The following CHD1L variants were observed in gnomAD, a reference collection of about 807,000 sequenced individuals.
CHD1L encodes chromodomain helicase DNA binding protein 1 like.
Under a neutral mutation model 115.9 loss-of-function variants are expected in CHD1L, and 118 were observed. That is an observed-to-expected ratio of 1.02 (90% CI 0.88 to 1.19). The LOEUF (loss-of-function observed/expected upper bound fraction) is 1.19, where lower values mean the gene tolerates loss of function less well. Among genes scored for constraint, CHD1L ranks in the 50% most tolerant of loss-of-function variants. CHD1L has a pLI of 0.00. For synonymous variants in CHD1L, 411 were observed against 387.1 expected (o/e 1.06, Z -0.72); for missense variants, 1,179 against 1,065.3 (o/e 1.11, Z -1.49).
the CHD1L span, among the ~76,000 whole-genome samples, chr1:147,198,872 A>AAG: frequency 2.3e-4 from 33 of 144,668 alleles, no homozygotes; most frequent in African/African-American, 8.1e-4. Flanking sequence ...AAAAAAAAAA[A>AAG]AAAGAAAGAA....
At chr1:147,271,408 A>G (rs781951248) in intron 11 of CHD1L, among the ~76,000 whole-genome samples, 14 of 152,224 alleles carry the variant, frequency 9.2e-5, no homozygotes, top group Non-Finnish European at 1.9e-4. Flanking sequence ...GATAACAAAT[A>G]AGCCAGGGGA....
chr1:147,239,326 TTCTC>T (rs2102175610), upstream of CHD1L, among the ~76,000 whole-genome samples: 1 of 152,286 alleles, frequency 6.6e-6, no homozygotes, highest in African/African-American at 2.4e-5. Flanking sequence ...AAGTGTGGCG[TTCTC>T]TCTAACTCGC....
chr1:147,203,809 T>C, the CHD1L span: 3 of 1,550,448 alleles, frequency 1.9e-6, no homozygotes, highest in Non-Finnish European at 2.7e-6. Context: ...CCCGAAGTAC[T>C]ATGGTAGAAA....
intron 16 of CHD1L, 125 bp downstream of exon 16, chr1:147,284,624 C>T: frequency 1.2e-6 from 1 of 858,014 alleles, no homozygotes; most frequent in Non-Finnish European, 1.7e-6. Flanking sequence ...TATGTGTTTG[C>T]TGAAATGTTA....
intron 18 of CHD1L, 70 bp from the exon 19 acceptor site, chr1:147,287,565 C>A: frequency 9.5e-7 from 1 of 1,057,880 alleles, no homozygotes; most frequent in Non-Finnish European, 1.4e-6. Context: ...CTTTTGTGTG[C>A]CTTTGTTTTT....
the CHD1L span, chr1:147,178,156 C>T: frequency 3.7e-6 from 6 of 1,609,212 alleles, no homozygotes; most frequent in Non-Finnish European, 5.1e-6. Context: ...CGTGGCGCTG[C>T]TTCTCGCCGC....
At chr1:147,242,675 C>T (rs781813812), upstream of CHD1L, 3 of 1,263,964 alleles carry the variant, frequency 2.4e-6, no homozygotes, top group Non-Finnish European at 3.0e-6. Context: ...GCGCGCTTGG[C>T]CGCGCGGGGC....
intron 10 of CHD1L, among the ~76,000 whole-genome samples, chr1:147,269,667 CAAAA>C (rs10649680): frequency 7.7e-4 from 72 of 93,264 alleles, no homozygotes; most frequent in African/African-American, 3.0e-3. Context: ...GGCTCCATCT[CAAAA>C]AAAAAAAAAA....
intron 11 of CHD1L, among the ~76,000 whole-genome samples, chr1:147,271,539 T>G (rs587747806): frequency 2.9e-4 from 44 of 152,328 alleles, no homozygotes; most frequent in African/African-American, 1.0e-3. Context: ...CATGAGTTGA[T>G]CTTGAGCCCA....
the CHD1L span, among the ~76,000 whole-genome samples, chr1:147,232,044 G>C: frequency 6.6e-6 from 1 of 152,148 alleles, no homozygotes; most frequent in Non-Finnish European, 1.5e-5. Context: ...CTGTAAACTA[G>C]AGCTGTTCCT....
intron 1 of CHD1L, among the ~76,000 whole-genome samples, chr1:147,249,120 G>A (rs374128209): frequency 2.6e-5 from 4 of 152,182 alleles, no homozygotes; most frequent in East Asian, 1.9e-4. Context: ...GTTTGTTGAT[G>A]ATAAATTCTC....
intron 8 of CHD1L, among the ~76,000 whole-genome samples, chr1:147,266,438 A>G (rs1448339968): frequency 6.6e-6 from 1 of 150,464 alleles, no homozygotes; most frequent in Admixed American, 6.7e-5. Context: ...TCAGTTCTGC[A>G]CTGAACTGCA....
At chr1:147,268,276 C>G (rs1476500400) in intron 9 of CHD1L, among the ~76,000 whole-genome samples, 1 of 152,000 alleles carries the variant, frequency 6.6e-6, no homozygotes, top group East Asian at 1.9e-4. Context: ...ATTGGTAACC[C>G]TTGGAGCAAG....
intron 2 of CHD1L, 58 bp from the exon 3 acceptor site, chr1:147,254,812 A>G: frequency 6.3e-6 from 8 of 1,263,804 alleles, no homozygotes; most frequent in Non-Finnish European, 8.8e-6. Flanking sequence ...TGGGAACTTC[A>G]TGGTTGTTTC....
At chr1:147,268,206 A>C (rs1486937356) in intron 9 of CHD1L, among the ~76,000 whole-genome samples, 1 of 152,074 alleles carries the variant, frequency 6.6e-6, no homozygotes, top group African/African-American at 2.4e-5. Context: ...GCTGCATCCT[A>C]GGAATTTTGA....
the CHD1L span, among the ~76,000 whole-genome samples, chr1:147,176,661 A>T: frequency 6.6e-6 from 1 of 152,194 alleles, no homozygotes; most frequent in Non-Finnish European, 1.5e-5. Context: ...ATTTCCTCTA[A>T]AATTATAGAT....
the CHD1L span, among the ~76,000 whole-genome samples, chr1:147,200,718 G>A: frequency 2.0e-5 from 3 of 151,812 alleles, no homozygotes; most frequent in Non-Finnish European, 4.4e-5. Flanking sequence ...ATTTTCGGCC[G>A]AAATAAAGTC....
At chr1:147,253,063 C>G (rs1668926418) in intron 2 of CHD1L, among the ~76,000 whole-genome samples, 1 of 152,146 alleles carries the variant, frequency 6.6e-6, no homozygotes, top group African/African-American at 2.4e-5. Flanking sequence ...CTTTTTGCAT[C>G]TATGTTCATG....
chr1:147,264,187 A>G (rs1673014308), intron 6 of CHD1L, among the ~76,000 whole-genome samples: 1 of 152,152 alleles, frequency 6.6e-6, no homozygotes, highest in Non-Finnish European at 1.5e-5. Flanking sequence ...ATCCTTATAT[A>G]AGTGTTTTCT....
Sources: allele counts gnomAD v4.1 joint callset (sites outside exome capture counted in the v4.1 genomes callset), GRCh38; gene constraint gnomAD v4.1.1; transcripts MANE v1.5; gene names NCBI Gene and HGNC (gene_info 2026-07-23, HGNC 2026-07-21).